Variants in PLA2G5 observed in about 807,000 individuals in gnomAD.
PLA2G5 encodes the protein phospholipase A2 group V.
Under a neutral mutation model 15.9 loss-of-function variants are expected in PLA2G5, and 12 were observed. The ratio of observed to expected loss-of-function variants is 0.76; its 90% CI spans 0.48 to 1.23. The LOEUF is 1.23. Ranked by LOEUF, PLA2G5 falls within the 50% of genes most tolerant of loss-of-function variation. The probability of loss-of-function intolerance (pLI) is 0.00; values close to 1 mark genes in which losing one functional copy is unlikely to be tolerated. For synonymous variants in PLA2G5, 71 were observed against 71.4 expected (o/e 0.99, Z 0.03); for missense variants, 169 against 177.1 (o/e 0.95, Z 0.26).
intron 1 of PLA2G5, among the ~76,000 whole-genome samples, chr1:20,054,617 G>C (rs2014346284): frequency 6.6e-6 from 1 of 151,772 alleles, no homozygotes; most frequent in Non-Finnish European, 1.5e-5. Flanking sequence ...TCTGGTGGCT[G>C]TCTCAGTGGG....
In PLA2G5 at chr1:20,070,252, A is replaced by C. The variant is rs911906243; in HGVS notation, c.-224A>C. On this transcript the variant is annotated 5_prime_UTR_variant, in exon 1 of 5. Coordinates refer to ENST00000375108, the MANE Select transcript of PLA2G5 (RefSeq NM_000929.3). ...GTCCAGGCAGAAGTTTTTCCTCCCC[A>C]CCTCCGGGTTTGTCCTCATCATCGG... The C allele has an allele frequency of 1.0e-6, 1 of 985,262 alleles. No homozygotes were observed. The highest frequency in any genetic ancestry group is 1.7e-5 in the African/African-American group (1 of 57,254). The allele number at this position is 985,262 out of a possible 1,614,324, so 61.0% of individuals were successfully genotyped here.
At chr1:20,085,994 T>G in intron 2 of PLA2G5, 89 bp from the exon 3 acceptor site, 1 of 1,365,962 alleles carries the variant, frequency 7.3e-7, no homozygotes, top group Non-Finnish European at 1.0e-6. Flanking sequence ...AAGCCCTGGG[T>G]GGGAGAAAGG....
At chr1:20,046,906 C>A (rs1173790084) in intron 1 of PLA2G5, among the ~76,000 whole-genome samples, 1 of 152,160 alleles carries the variant, frequency 6.6e-6, no homozygotes, top group Non-Finnish European at 1.5e-5. Context: ...TTTACTTTTT[C>A]TCCCAAAATT....
chr1:20,029,226 C>A (rs1025236610), intron 1 of PLA2G5, among the ~76,000 whole-genome samples: 1 of 152,120 alleles, frequency 6.6e-6, no homozygotes, highest in African/African-American at 2.4e-5. Context: ...GCACCCTGCG[C>A]TCTCCTCTGA....
At chr1:20,049,598 C>T (rs2014083521) in intron 1 of PLA2G5, among the ~76,000 whole-genome samples, 1 of 152,084 alleles carries the variant, frequency 6.6e-6, no homozygotes, top group South Asian at 2.1e-4. Context: ...ATAAGACTCA[C>T]AAAACCTGAT....
chr1:20,042,200 G>C lies in PLA2G5; in HGVS notation n.276+13491G>C, dbSNP rs182253946. ...GGTAGTGGATGGGGACAGAATGGTA[G>C]CCTCAATGATAGATGTGAAAGATAC... is the stretch of plus-strand genomic sequence containing the variant. On this transcript the variant is annotated intron_variant and non_coding_transcript_variant, in intron 1 of 6. Coordinates refer to the PLA2G5 transcript ENST00000460175. Among the ~76,000 whole-genome samples the C allele has an allele frequency of 7.9e-5, 12 of 152,274 alleles. No homozygotes were observed. The East Asian group carries it at 2.3e-3, about 29-fold the overall frequency.
At chr1:20,033,786 G>A (rs2013097731) in intron 1 of PLA2G5, among the ~76,000 whole-genome samples, 1 of 151,936 alleles carries the variant, frequency 6.6e-6, no homozygotes, top group African/African-American at 2.4e-5. Flanking sequence ...TTTTTTTAAA[G>A]TTTTTAAAGT....
At chr1:20,033,498 T>C (rs534063931) in intron 1 of PLA2G5, among the ~76,000 whole-genome samples, 6 of 152,284 alleles carry the variant, frequency 3.9e-5, no homozygotes, top group Admixed American at 6.5e-5. Context: ...TGAGGTCCTG[T>C]AGGTTATGGG....
chr1:20,053,855 A>AT (rs2014301232), intron 1 of PLA2G5, among the ~76,000 whole-genome samples: 1 of 152,200 alleles, frequency 6.6e-6, no homozygotes, highest in Non-Finnish European at 1.5e-5. Flanking sequence ...TATTCCATGG[A>AT]TTTTGACAAA....
chr1:20,068,651 A>C (rs1355980269), upstream of PLA2G5, among the ~76,000 whole-genome samples: 1 of 151,948 alleles, frequency 6.6e-6, no homozygotes. Flanking sequence ...GGGTTTCTCC[A>C]TGTTGGTCAG....
At chr1:20,061,663 G>A (rs1472143026) in intron 2 of PLA2G5, among the ~76,000 whole-genome samples, 1 of 151,640 alleles carries the variant, frequency 6.6e-6, no homozygotes, top group Non-Finnish European at 1.5e-5. Flanking sequence ...AATAAACAGG[G>A]CCTAAAAGAA....
chr1:20,052,375 T>C (rs2100413184), intron 1 of PLA2G5, among the ~76,000 whole-genome samples: 1 of 152,322 alleles, frequency 6.6e-6, no homozygotes, highest in East Asian at 1.9e-4. Flanking sequence ...TGTGCTTTTG[T>C]AAAGCTCTGT....
At chr1:20,032,523 G>A (rs2013015545) in intron 1 of PLA2G5, among the ~76,000 whole-genome samples, 1 of 152,134 alleles carries the variant, frequency 6.6e-6, no homozygotes. Context: ...GGGGAAAGGA[G>A]GTGGTTTGAT....
rs11573230 is a variant in PLA2G5 at position 20,078,119 on chromosome 1, GGAGA to G, written c.-10-6696_-10-6693del. On this transcript the variant is annotated intron_variant, in intron 1 of 4. Transcript: ENST00000375108. The stretch of plus-strand genomic sequence containing the variant: ...CAGTGCAGCCTTGTGAAGCCCAGAG[GGAGA>G]GAGAGTTTCGAGAAGGAGGAGGTGG... 4.8e-3 allele frequency among the ~76,000 whole-genome samples: 724 copies of G among 152,214 alleles called. 2 individuals carry two copies. Among genetic ancestry groups the G allele is most frequent in the Non-Finnish European group, 8.2e-3 (557 of 68,006 alleles).
At chr1:20,089,744 G>A in intron 3 of PLA2G5, 45 bp from the exon 4 acceptor site, 2 of 1,512,844 alleles carry the variant, frequency 1.3e-6, no homozygotes, top group Non-Finnish European at 1.8e-6. Flanking sequence ...ATGGGGTCAG[G>A]AGGGCACCCC....
In PLA2G5 at chr1:20,090,927, G is replaced by A; in HGVS notation, c.*235G>A. 1 of 453,472 alleles carries A rather than the reference G, an allele frequency of 2.2e-6. No homozygotes were observed. The highest frequency in any genetic ancestry group is 4.0e-6 in the Non-Finnish European group (1 of 252,878). 28.1% of individuals were successfully genotyped at this position (453,472 alleles called of 1,614,324 possible). A position where few individuals can be genotyped will look rare whatever the true frequency, so the allele number is the denominator to read the frequency against. The stretch of plus-strand genomic sequence containing the variant: ...CCCTAGGCCTCCACTTCTGAGGGCA[G>A]CCCCTCTGGTGCCAAGAGCTCTCCT... On this transcript the variant is annotated 3_prime_UTR_variant, in exon 5 of 5. Coordinates refer to ENST00000375108, the MANE Select transcript of PLA2G5 (RefSeq NM_000929.3).
intron 1 of PLA2G5, among the ~76,000 whole-genome samples, chr1:20,077,818 A>G (rs2015771679): frequency 6.6e-6 from 1 of 152,162 alleles, no homozygotes; most frequent in African/African-American, 2.4e-5. Context: ...TGGATCTTGG[A>G]TCTGACATTG....
At chr1:20,038,066 T>G (rs1360223778) in intron 1 of PLA2G5, among the ~76,000 whole-genome samples, 3 of 152,138 alleles carry the variant, frequency 2.0e-5, no homozygotes, top group Non-Finnish European at 2.9e-5. Context: ...CCAGTTCCCA[T>G]GCAGCCAGCA....
exon 2 of PLA2G5, chr1:20,059,637 C>A (rs1488612658): frequency 6.6e-6 from 1 of 152,158 alleles, no homozygotes; most frequent in Non-Finnish European, 1.5e-5. Context: ...TCTAGTGTAC[C>A]TTTCTACTCT....
Sources: gnomAD v4.1 joint callset for allele counts (sites outside exome capture counted in the v4.1 genomes callset) on GRCh38, gnomAD v4.1.1 for gene constraint, MANE v1.5 for transcripts, NCBI Gene and HGNC (gene_info 2026-07-23, HGNC 2026-07-21) for gene names.